RAPGEF6: variants seen among roughly 807,000 people sequenced by gnomAD.
RAPGEF6 encodes PDZ domain containing guanine nucleotide exchange factor (GEF) 2.
In RAPGEF6, 56 loss-of-function variants were observed where a neutral mutation model predicts 171.4. The ratio of observed to expected loss-of-function variants is 0.33; its 90% CI spans 0.26 to 0.41. The LOEUF is 0.41. Among genes scored for constraint, RAPGEF6 ranks in the 10% least tolerant of loss-of-function variants. RAPGEF6 has a pLI of 1.00. For synonymous variants in RAPGEF6, 692 were observed against 650.1 expected (o/e 1.06, Z -0.98); for missense variants, 1,674 against 1,921.4 (o/e 0.87, Z 2.41).
chr5:131,446,876 T>A, intron 21 of RAPGEF6, 173 bp from the exon 22 acceptor site: 1 of 630,230 alleles, frequency 1.6e-6, no homozygotes. Flanking sequence ...CGTTCTGAAT[T>A]AAGAACAGGA....
At chr5:131,530,970 G>A (rs1367410835) in intron 6 of RAPGEF6, among the ~76,000 whole-genome samples, 1 of 152,120 alleles carries the variant, frequency 6.6e-6, no homozygotes, top group Non-Finnish European at 1.5e-5. Flanking sequence ...CACTAAAAAG[G>A]CCATTTAAGC....
chr5:131,484,929 T>C (rs1755773924), intron 15 of RAPGEF6, among the ~76,000 whole-genome samples: 1 of 152,048 alleles, frequency 6.6e-6, no homozygotes, highest in African/African-American at 2.4e-5. Context: ...ATCTGAAAAA[T>C]GGGATTTTTG....
rs762470059 is a variant in RAPGEF6, at chr5:131,464,109, A to G, written c.2412T>C (p.Gly804=). Residue 804 remains glycine (G), a synonymous_variant, in exon 18 of 28, where the codon GGT becomes GGC. Transcript: ENST00000509018. ...CTGGAAGTCTTCTCTGTTTTATGAC[A>G]CCCTCAGGAGTAACAGAAACTTCAC... ...SLCEVSVTPE[G]VIKQRRLPDQ... The G allele has an allele frequency of 4.3e-6, 7 of 1,613,582 alleles. No homozygotes were observed. The South Asian group carries it at 7.7e-5, about 18-fold the overall frequency.
chr5:131,472,837 C>A, intron 16 of RAPGEF6, 93 bp from the exon 17 acceptor site: 3 of 1,087,652 alleles, frequency 2.8e-6, no homozygotes, highest in South Asian at 3.4e-5. Flanking sequence ...ATAAAAGAAC[C>A]AATTCAAAGA....
At chr5:131,512,761 G>C (rs774257889) in intron 7 of RAPGEF6, among the ~76,000 whole-genome samples, 1 of 152,202 alleles carries the variant, frequency 6.6e-6, no homozygotes, top group Non-Finnish European at 1.5e-5. Flanking sequence ...GAAGTGATTA[G>C]GTCATGAGAA....
At chr5:131,617,484 C>G (rs1158368503) in intron 1 of RAPGEF6, among the ~76,000 whole-genome samples, 1 of 152,182 alleles carries the variant, frequency 6.6e-6, no homozygotes, top group Admixed American at 6.5e-5. Context: ...CAGAGTTTCA[C>G]TCTTGTTGCC....
intron 4 of RAPGEF6, among the ~76,000 whole-genome samples, chr5:131,568,601 G>A (rs371092830): frequency 1.8e-4 from 28 of 152,132 alleles, no homozygotes; most frequent in Non-Finnish European, 5.9e-5. Context: ...TTACAGGCAT[G>A]AGCCACACTG....
chr5:131,549,985 G>A (rs1370431841), intron 5 of RAPGEF6, among the ~76,000 whole-genome samples: 3 of 152,208 alleles, frequency 2.0e-5, no homozygotes, highest in Middle Eastern at 3.4e-3. Context: ...TGTGGAAAGC[G>A]AAACTGCAGA....
intron 6 of RAPGEF6, among the ~76,000 whole-genome samples, chr5:131,531,066 C>T (rs977812137): frequency 6.6e-5 from 10 of 152,120 alleles, no homozygotes; most frequent in African/African-American, 2.4e-4. Flanking sequence ...GCCAAATGGA[C>T]AGTGAATTTA....
rs772154634 is a variant in RAPGEF6 at position 131,429,027 on chromosome 5, G to C, written c.4655C>G (p.Ala1552Gly). ...MHNSLSRLPPASLSSNLVACV... is the reference protein window; with the variant it reads ...MHNSLSRLPPGSLSSNLVACV... ...GGCCACGAGGTTGCTACTGAGAGAA[G>C]CTGGTGGCAGTCTAGAGAGGCTGTT... The change falls in exon 27 of 28, where the codon GCT (alanine) becomes GGT (glycine). Residue 1552 changes from alanine to glycine, a missense_variant. By Grantham distance (60) the Ala-to-Gly change is moderately conservative. Around this residue, in one of 3 missense-constraint regions of RAPGEF6, gnomAD observed 552 missense variants for 574.2 expected, o/e 0.96. Transcript: ENST00000509018. 9 of 1,614,176 alleles carry C rather than the reference G, an allele frequency of 5.6e-6. No homozygotes were observed. The highest frequency in any genetic ancestry group is 7.6e-6 in the Non-Finnish European group (9 of 1,180,018).
In RAPGEF6 at chr5:131,446,709, A is replaced by T. The variant is rs764927507; in HGVS notation, c.3201-6T>A. ...TGCTTCCTTGACTCAGTGACCTATA[A>T]GAAGATGAAAATCACAATAAGGGGC... is the stretch of plus-strand genomic sequence containing the variant. On this transcript the variant is annotated splice_polypyrimidine_tract_variant and splice_region_variant and intron_variant, in intron 21 of 27. Coordinates refer to ENST00000509018, the MANE Select transcript of RAPGEF6 (RefSeq NM_016340.6). 6.2e-7 allele frequency: 1 copy of T among 1,610,156 alleles called. No homozygotes were observed. The highest frequency in any genetic ancestry group is 1.1e-5 in the South Asian group (1 of 90,890).
intron 6 of RAPGEF6, among the ~76,000 whole-genome samples, chr5:131,536,695 GAAC>G (rs775166152): frequency 6.6e-6 from 1 of 152,066 alleles, no homozygotes; most frequent in Non-Finnish European, 1.5e-5. Flanking sequence ...GAAATTGAAA[GAAC>G]AATAAAAGGC....
chr5:131,622,342 G>A (rs963646261), intron 1 of RAPGEF6, among the ~76,000 whole-genome samples: 1 of 152,228 alleles, frequency 6.6e-6, no homozygotes, highest in Admixed American at 6.5e-5. Flanking sequence ...CAGGCATGAT[G>A]AGCCTGACTA....
At chr5:131,551,886 T>C (rs1760945586) in intron 5 of RAPGEF6, among the ~76,000 whole-genome samples, 1 of 152,140 alleles carries the variant, frequency 6.6e-6, no homozygotes, top group Non-Finnish European at 1.5e-5. Flanking sequence ...TATAACTGAA[T>C]TGTGGTATTT....
At chr5:131,439,987 T>A in intron 23 of RAPGEF6, 1 of 485,618 alleles carries the variant, frequency 2.1e-6, no homozygotes, top group Non-Finnish European at 3.7e-6. Flanking sequence ...TTTAACAGTC[T>A]GAGTGCTATG....
chr5:131,577,520 T>C (rs1762676342), intron 4 of RAPGEF6, among the ~76,000 whole-genome samples: 1 of 152,170 alleles, frequency 6.6e-6, no homozygotes, highest in Non-Finnish European at 1.5e-5. Context: ...TCCAGCAGGC[T>C]AGACAGGAAA....
chr5:131,522,597 G>A (rs887734571), intron 6 of RAPGEF6, among the ~76,000 whole-genome samples: 2 of 152,014 alleles, frequency 1.3e-5, no homozygotes, highest in African/African-American at 4.8e-5. Context: ...TGCTGATAAT[G>A]GTATGTTAGA....
At chr5:131,574,042 A>G (rs1209946778) in intron 4 of RAPGEF6, among the ~76,000 whole-genome samples, 1 of 152,178 alleles carries the variant, frequency 6.6e-6, no homozygotes, top group Non-Finnish European at 1.5e-5. Context: ...TCACTGTGAG[A>G]CAACCCACAA....
At chr5:131,456,791 G>A (rs751535954) in intron 19 of RAPGEF6, among the ~76,000 whole-genome samples, 1 of 152,180 alleles carries the variant, frequency 6.6e-6, no homozygotes, top group Non-Finnish European at 1.5e-5. Flanking sequence ...AAGGCATGGA[G>A]TTAGGTATCT....
Sources: allele counts gnomAD v4.1 joint callset (sites outside exome capture counted in the v4.1 genomes callset), GRCh38; gene constraint gnomAD v4.1.1; regional missense constraint gnomAD v4.1.1; transcripts MANE v1.5; gene names NCBI Gene and HGNC (gene_info 2026-07-23, HGNC 2026-07-21).